The following LGALS9 variants were observed in gnomAD, a reference collection of about 807,000 sequenced individuals.
LGALS9 encodes the protein galectin-9.
A neutral mutation model predicts 35.9 loss-of-function variants in LGALS9; 26 were observed. That is an observed-to-expected ratio of 0.72 (90% confidence interval 0.53 to 1.01). The LOEUF (loss-of-function observed/expected upper bound fraction) is 1.01, where lower values mean the gene tolerates loss of function less well. Ranked by LOEUF, LGALS9 falls within the 50% of genes least tolerant of loss-of-function variation. The probability of loss-of-function intolerance (pLI) is 0.00; values close to 1 mark genes in which losing one functional copy is unlikely to be tolerated. For missense variants in LGALS9, 347 were observed against 445.8 expected (o/e 0.78, Z 1.99); for synonymous variants, 149 against 172.2 (o/e 0.87, Z 1.06).
intron 1 of LGALS9, among the ~76,000 whole-genome samples, chr17:27,633,000 C>T (rs561881936): frequency 8.5e-5 from 13 of 152,290 alleles, no homozygotes; most frequent in Non-Finnish European, 1.6e-4. Flanking sequence ...CTTGTCTGGC[C>T]TCATCTAGCC....
At chr17:27,637,750 C>T (rs753032201) in intron 1 of LGALS9, among the ~76,000 whole-genome samples, 585 of 150,220 alleles carry the variant, frequency 3.9e-3, no homozygotes, top group Middle Eastern at 6.8e-3. Context: ...TCTTCTTAAC[C>T]TCCTCGGGTG....
chr17:27,631,234 A>G lies in LGALS9; in HGVS notation c.-32A>G, dbSNP rs2074389387. The G allele has an allele frequency of 1.2e-6, 2 of 1,613,984 alleles. No individual in the cohort carries two copies. Among genetic ancestry groups the G allele is most frequent in the Non-Finnish European group, 1.7e-6 (2 of 1,179,998 alleles). On this transcript the variant is annotated 5_prime_UTR_variant, in exon 1 of 11. Transcript: ENST00000395473. ...ACAAAGGACTTCCTAGTGGGTGTGA[A>G]AGGCAGCGGTGGCCACAGAGGCGGC...
intron 9 of LGALS9, 71 bp from the exon 10 acceptor site, chr17:27,647,198 GC>G: frequency 6.2e-7 from 1 of 1,613,772 alleles, no homozygotes; most frequent in Non-Finnish European, 8.5e-7. Context: ...CTTCAGGAAG[GC>G]TACTGATGAT....
Position 27,646,507 on chromosome 17 carries a change from A to T in LGALS9, c.628-40A>T, listed in dbSNP as rs766644479. On this transcript the variant is annotated intron_variant, in intron 7 of 10. Coordinates refer to ENST00000395473, the MANE Select transcript of LGALS9 (RefSeq NM_009587.3). ...CGCCTGGGTGAGTGCTCGCGCACCCATGTGCTCTCCCATTGAATTTCCTGG... is the reference window on the plus strand; with the variant it reads ...CGCCTGGGTGAGTGCTCGCGCACCCTTGTGCTCTCCCATTGAATTTCCTGG... 2.5e-6 allele frequency: 4 copies of T among 1,611,844 alleles called. No individual in the cohort carries two copies. The East Asian group carries it at 8.9e-5, about 36-fold the overall frequency.
At chr17:27,634,732 C>T (rs2074426678) in intron 1 of LGALS9, among the ~76,000 whole-genome samples, 1 of 152,166 alleles carries the variant, frequency 6.6e-6, no homozygotes, top group Non-Finnish European at 1.5e-5. Flanking sequence ...GGACAATCTC[C>T]CCATGCCAAA....
chr17:27,639,729 C>CTA (rs1904334646), intron 2 of LGALS9, among the ~76,000 whole-genome samples: 1 of 151,908 alleles, frequency 6.6e-6, no homozygotes, highest in South Asian at 2.1e-4. Context: ...ACTATGATGC[C>CTA]CAGCTAATTA....
In LGALS9 at chr17:27,648,874, C is replaced by T. The variant is rs781249418; in HGVS notation, c.960C>T (p.Ala320=). The change falls in exon 11 of 11, where the codon GCC becomes GCT. Residue 320 remains alanine, a synonymous_variant. Transcript: ENST00000395473. ...ILCEAHCLKV[A]VDGQHLFEYY... ...GTGAAGCTCACTGCCTCAAGGTGGC[C>T]GTGGATGGTCAGCACCTGTTTGAAT... The T allele has an allele frequency of 5.6e-6, 9 of 1,613,704 alleles. No homozygotes were observed. The highest frequency in any genetic ancestry group is 1.7e-5 in the Admixed American group (1 of 59,982).
In LGALS9 at chr17:27,640,437, C is replaced by T. The variant is rs541598905; in HGVS notation, c.132-135C>T. 3.8e-4 allele frequency: 507 copies of T among 1,320,154 alleles called. 6 individuals carry two copies. The South Asian group carries it at 5.9e-3, about 15-fold the overall frequency. The allele number at this position is 1,320,154 out of a possible 1,614,324, so 81.8% of individuals were successfully genotyped here. On this transcript the variant is annotated intron_variant, in intron 2 of 10. Coordinates refer to ENST00000395473, the MANE Select transcript of LGALS9 (RefSeq NM_009587.3). Reference sequence around the variant, plus strand: ...CCAATTAGAAAAACAAAAACGATGCCAACAAAGCAGTCTCTGCCATACAGG... The same window carrying T: ...CCAATTAGAAAAACAAAAACGATGCTAACAAAGCAGTCTCTGCCATACAGG...
chr17:27,635,823 G>C lies in LGALS9; in HGVS notation c.40-2440G>C, dbSNP rs547155500. Reference sequence around the variant, plus strand: ...TCACAGGCTTCCACAAACAGGCAAGGAGAAAAATGTTCCACAGACATGTTT... The same window carrying C: ...TCACAGGCTTCCACAAACAGGCAAGCAGAAAAATGTTCCACAGACATGTTT... On this transcript the variant is annotated intron_variant, in intron 1 of 10. Coordinates refer to ENST00000395473, the MANE Select transcript of LGALS9 (RefSeq NM_009587.3). 5.9e-5 allele frequency among the ~76,000 whole-genome samples: 9 copies of C among 152,242 alleles called. No homozygotes were observed. The South Asian group carries it at 1.7e-3, about 28-fold the overall frequency.
chr17:27,634,401 A>T (rs962585255), intron 1 of LGALS9, among the ~76,000 whole-genome samples: 2 of 152,090 alleles, frequency 1.3e-5, no homozygotes, highest in Non-Finnish European at 2.9e-5. Context: ...ATAGACAAAC[A>T]TTAGCCAGGT....
intron 10 of LGALS9, among the ~76,000 whole-genome samples, chr17:27,648,458 AAGG>A (rs1324156740): frequency 1.4e-5 from 2 of 146,722 alleles, no homozygotes; most frequent in African/African-American, 4.9e-5. Flanking sequence ...TTGCAAAGGG[AAGG>A]AGGTTTTAAC....
At chr17:27,645,293 T>G (rs752931019) in intron 5 of LGALS9, 21 bp from the exon 6 acceptor site, 3 of 1,613,918 alleles carry the variant, frequency 1.9e-6, no homozygotes, top group East Asian at 2.2e-5. Context: ...ACCACCATTC[T>G]GACTCTCCTC....
intron 1 of LGALS9, among the ~76,000 whole-genome samples, chr17:27,633,767 A>C (rs1229175830): frequency 6.6e-6 from 1 of 152,210 alleles, no homozygotes; most frequent in Non-Finnish European, 1.5e-5. Context: ...AATCGCACCC[A>C]GTCCTCTCAG....
intron 1 of LGALS9, among the ~76,000 whole-genome samples, chr17:27,633,704 A>T (rs1166900275): frequency 1.3e-5 from 2 of 152,262 alleles, no homozygotes; most frequent in Non-Finnish European, 2.9e-5. Context: ...GATTTGTTCA[A>T]TGCAAAGAGC....
chr17:27,646,601 T>G lies in LGALS9; in HGVS notation c.669+13T>G. The G allele has an allele frequency of 1.2e-6, 2 of 1,612,828 alleles. No individual in the cohort carries two copies. Among genetic ancestry groups the G allele is most frequent in the Non-Finnish European group, 1.7e-6 (2 of 1,179,956 alleles). On this transcript the variant is annotated intron_variant, in intron 8 of 10. Transcript: ENST00000395473. ...CCACCCCGCCTATGTAAGTGGTTTC[T>G]CAGGGAGGGCAGAGGTTCTGTTTGT...
At chr17:27,648,643 C>T (rs1167851848) in intron 10 of LGALS9, among the ~76,000 whole-genome samples, 193 bp from the exon 11 acceptor site, 2 of 151,428 alleles carry the variant, frequency 1.3e-5, no homozygotes, top group African/African-American at 4.9e-5. Context: ...TATTCTAGAC[C>T]AGGGAACAGT....
intron 2 of LGALS9, chr17:27,640,320 C>T (rs986122836): frequency 5.3e-6 from 3 of 568,868 alleles, no homozygotes; most frequent in African/African-American, 3.8e-5. Context: ...TTTGCTAATA[C>T]CAGCACTTTT....
chr17:27,640,684 TG>T lies in LGALS9; in HGVS notation c.249del (p.Glu85ArgfsTer28), dbSNP rs1567914873. 3 of 1,614,234 alleles carry T rather than the reference TG, an allele frequency of 1.9e-6. No individual in the cohort carries two copies. Among genetic ancestry groups the T allele is most frequent in the African/African-American group, 1.3e-5 (1 of 75,062 alleles). On this transcript the variant is annotated frameshift_variant, in exon 3 of 11. Transcript: ENST00000395473. LOFTEE classifies it high-confidence loss of function. Reference sequence around the variant, plus strand: ...GTGCAACACGAGGCAGAACGGAAGCTGGGGGCCCGAGGAGAGGAAGACACAC... The same window carrying T: ...GTGCAACACGAGGCAGAACGGAAGCTGGGGCCCGAGGAGAGGAAGACACAC... ...VVCNTRQNGSWGPEERKTHMP... is the reference protein window; with the variant it reads ...VVCNTRQNGSXGPEERKTHMP...
chr17:27,647,125 C>T lies in LGALS9; in HGVS notation c.758+7C>T, dbSNP rs1905012853. On this transcript the variant is annotated splice_region_variant and intron_variant, in intron 9 of 10. Coordinates refer to ENST00000395473, the MANE Select transcript of LGALS9 (RefSeq NM_009587.3). Reference sequence around the variant, plus strand: ...TCCTGCCCAGTGCTCAGAGGTAAGCCAAGGGCTCCAGTGACCTCTGGGAAG... The same window carrying T: ...TCCTGCCCAGTGCTCAGAGGTAAGCTAAGGGCTCCAGTGACCTCTGGGAAG... 6.2e-7 allele frequency: 1 copy of T among 1,614,200 alleles called. No homozygotes were observed. The highest frequency in any genetic ancestry group is 8.5e-7 in the Non-Finnish European group (1 of 1,180,036).
Sources: gnomAD v4.1 joint callset for allele counts (sites outside exome capture counted in the v4.1 genomes callset) on GRCh38, gnomAD v4.1.1 for gene constraint, MANE v1.5 for transcripts, NCBI Gene and HGNC (gene_info 2026-07-23, HGNC 2026-07-21) for gene names.